Variants in STXBP5L observed in about 807,000 individuals in gnomAD.
The protein encoded by STXBP5L is syntaxin binding protein 5L.
A neutral mutation model predicts 144.5 loss-of-function variants in STXBP5L; 65 were observed. That is an observed-to-expected ratio of 0.45 (90% confidence interval 0.37 to 0.55). STXBP5L has a LOEUF of 0.55. Among genes scored for constraint, STXBP5L ranks in the 20% least tolerant of loss-of-function variants. The probability of loss-of-function intolerance (pLI) is 0.00; values close to 1 mark genes in which losing one functional copy is unlikely to be tolerated. For synonymous variants in STXBP5L, 505 were observed against 469.6 expected, an observed-to-expected ratio of 1.08 and a Z score of -0.97; for missense variants, 1,298 against 1,405.5, an observed-to-expected ratio of 0.92 and a Z score of 1.22.
At chr3:121,023,546 T>C (rs560949871) in intron 3 of STXBP5L, among the ~76,000 whole-genome samples, 2 of 152,266 alleles carry the variant, frequency 1.3e-5, no homozygotes, top group East Asian at 3.9e-4. Context: ...AAAATAGTTA[T>C]GTAGACAAAT....
intron 5 of STXBP5L, among the ~76,000 whole-genome samples, chr3:121,062,190 G>A (rs956523500): frequency 3.9e-5 from 6 of 152,186 alleles, no homozygotes; most frequent in African/African-American, 1.4e-4. Flanking sequence ...AGGCCTGGTG[G>A]TGACAAAATC....
At chr3:121,256,821 T>C (rs1037895395) in intron 16 of STXBP5L, among the ~76,000 whole-genome samples, 82 of 151,624 alleles carry the variant, frequency 5.4e-4, no homozygotes, top group African/African-American at 1.6e-3. Flanking sequence ...TATCAAATTG[T>C]AATATATAAA....
intron 3 of STXBP5L, among the ~76,000 whole-genome samples, chr3:120,983,050 C>G (rs927004147): frequency 2.0e-5 from 3 of 152,176 alleles, no homozygotes; most frequent in Non-Finnish European, 4.4e-5. Context: ...AGGCAGGCAG[C>G]TGTGATACAC....
chr3:121,158,974 G>A (rs1249883396), intron 9 of STXBP5L: 1 of 151,936 alleles, frequency 6.6e-6, no homozygotes, highest in South Asian at 2.1e-4. Context: ...CAACACATCA[G>A]CCTTGATGTC....
chr3:121,111,878 G>T (rs990862651), intron 5 of STXBP5L, among the ~76,000 whole-genome samples: 1 of 151,940 alleles, frequency 6.6e-6, no homozygotes, highest in South Asian at 2.1e-4. Flanking sequence ...TCCTGCAAGG[G>T]GCTCTATCCC....
intron 5 of STXBP5L, among the ~76,000 whole-genome samples, chr3:121,100,009 A>T (rs527844818): frequency 3.3e-5 from 5 of 152,220 alleles, no homozygotes; most frequent in African/African-American, 7.2e-5. Flanking sequence ...AAAGAAGGAC[A>T]TTACATAATG....
chr3:121,071,427 C>T (rs540505851), intron 5 of STXBP5L, among the ~76,000 whole-genome samples: 10 of 152,290 alleles, frequency 6.6e-5, no homozygotes, highest in African/African-American at 2.2e-4. Context: ...GCCTCTGGTG[C>T]AGTCAGAGCA....
intron 18 of STXBP5L, among the ~76,000 whole-genome samples, chr3:121,275,015 T>C (rs1256871780): frequency 1.3e-5 from 2 of 152,182 alleles, no homozygotes; most frequent in African/African-American, 4.8e-5. Context: ...TGTTGAAGAT[T>C]ATATATGTTT....
At chr3:121,186,184 A>G (rs1221443914) in intron 9 of STXBP5L, among the ~76,000 whole-genome samples, 1 of 152,178 alleles carries the variant, frequency 6.6e-6, no homozygotes, top group African/African-American at 2.4e-5. Flanking sequence ...CTATCAGCTT[A>G]AGGAGGTTGT....
chr3:121,290,289 C>T (rs1216376103), intron 19 of STXBP5L, among the ~76,000 whole-genome samples: 1 of 152,028 alleles, frequency 6.6e-6, no homozygotes, highest in Non-Finnish European at 1.5e-5. Context: ...TGCACACAAA[C>T]TAGAAAACCT....
chr3:121,296,654 G>A (rs1256938388), intron 19 of STXBP5L, among the ~76,000 whole-genome samples: 1 of 152,226 alleles, frequency 6.6e-6, no homozygotes, highest in African/African-American at 2.4e-5. Flanking sequence ...CCTGGGGCTA[G>A]TGACTGACCT....
At chr3:121,119,079 A>C (rs1391579174) in intron 6 of STXBP5L, among the ~76,000 whole-genome samples, 1 of 151,536 alleles carries the variant, frequency 6.6e-6, no homozygotes, top group Non-Finnish European at 1.5e-5. Flanking sequence ...ACTAATAGCC[A>C]TTGAACTAAT....
intron 3 of STXBP5L, among the ~76,000 whole-genome samples, chr3:120,986,230 T>A (rs1942274158): frequency 6.6e-6 from 1 of 152,008 alleles, no homozygotes. Context: ...TCTAACTTCA[T>A]CCCATTGTGG....
At chr3:121,085,349 G>GT (rs1450531399) in intron 5 of STXBP5L, among the ~76,000 whole-genome samples, 9 of 152,028 alleles carry the variant, frequency 5.9e-5, no homozygotes, top group Admixed American at 4.6e-4. Flanking sequence ...ATAGTTTTTG[G>GT]TTTTACAAAT....
chr3:121,296,330 A>C (rs1048545093), intron 19 of STXBP5L, among the ~76,000 whole-genome samples: 1 of 152,184 alleles, frequency 6.6e-6, no homozygotes, highest in African/African-American at 2.4e-5. Context: ...GGATTAACCA[A>C]CTTAACTGGT....
At chr3:121,158,417 C>A (rs1343626048) in intron 9 of STXBP5L, 1 of 152,164 alleles carries the variant, frequency 6.6e-6, no homozygotes, top group Non-Finnish European at 1.5e-5. Context: ...GGTATGTTTT[C>A]TGTAATGGGT....
chr3:121,083,345 A>G (rs972700585), intron 5 of STXBP5L, among the ~76,000 whole-genome samples: 3 of 151,988 alleles, frequency 2.0e-5, no homozygotes, highest in Non-Finnish European at 4.4e-5. Flanking sequence ...TCCCTCTTGT[A>G]TTTTCTGGAA....
intron 22 of STXBP5L, among the ~76,000 whole-genome samples, chr3:121,392,802 T>G (rs1340164050): frequency 8.3e-6 from 1 of 119,920 alleles, no homozygotes; most frequent in Non-Finnish European, 1.8e-5. Flanking sequence ...TATATATATA[T>G]ATATATCACA....
chr3:121,025,130 G>A (rs1015706798), intron 3 of STXBP5L, among the ~76,000 whole-genome samples: 2 of 152,102 alleles, frequency 1.3e-5, no homozygotes, highest in East Asian at 1.9e-4. Flanking sequence ...ATTAATAAGA[G>A]AAGTTAGAGA....
Sources: allele counts gnomAD v4.1 joint callset (sites outside exome capture counted in the v4.1 genomes callset), GRCh38; gene constraint gnomAD v4.1.1; transcripts MANE v1.5; gene names NCBI Gene and HGNC (gene_info 2026-07-23, HGNC 2026-07-21).